Variants in ZNF57 observed in about 807,000 individuals in gnomAD.
ZNF57 encodes zinc finger protein 424.
In ZNF57, 11 loss-of-function variants were observed where a neutral mutation model predicts 13.4. The ratio of observed to expected loss-of-function variants is 0.82; its 90% CI spans 0.52 to 1.36. The LOEUF (loss-of-function observed/expected upper bound fraction) is 1.36, where lower values mean the gene tolerates loss of function less well. Ranked by LOEUF, ZNF57 falls within the 40% of genes most tolerant of loss-of-function variation. The pLI, the probability that ZNF57 is intolerant of heterozygous loss-of-function variation, is 0.00. For missense variants in ZNF57, 696 were observed against 667.5 expected (o/e 1.04, Z -0.47); for synonymous variants, 224 against 238.5 (o/e 0.94, Z 0.56).
At chr19:2,901,775 C>T (rs2088032373) in intron 1 of ZNF57, among the ~76,000 whole-genome samples, 1 of 152,158 alleles carries the variant, frequency 6.6e-6, no homozygotes. Flanking sequence ...CCTCGGCCTC[C>T]CAAAGTGCTG....
chr19:2,915,253 T>C (rs1255892932), intron 1 of ZNF57: 4 of 306,916 alleles, frequency 1.3e-5, no homozygotes, highest in Non-Finnish European at 2.4e-5. Context: ...AATGGAAAAG[T>C]TACTTCATTT....
intron 1 of ZNF57, 103 bp downstream of exon 1, chr19:2,901,151 C>T: frequency 7.2e-7 from 1 of 1,379,910 alleles, no homozygotes; most frequent in Middle Eastern, 2.1e-4. Context: ...CTGAGGGACG[C>T]GCGGGGCGGC....
intron 1 of ZNF57, chr19:2,912,022 A>T (rs1477277355): frequency 1.3e-5 from 2 of 152,230 alleles, no homozygotes; most frequent in African/African-American, 4.8e-5. Context: ...TCTTTCTGGA[A>T]AGCCAGACGC....
chr19:2,913,351 T>G (rs1020140157), intron 1 of ZNF57, among the ~76,000 whole-genome samples: 1 of 152,230 alleles, frequency 6.6e-6, no homozygotes, highest in Non-Finnish European at 1.5e-5. Context: ...GTAATATTTA[T>G]TATTTCCTTA....
chr19:2,906,000 A>C (rs2088072212), intron 1 of ZNF57, among the ~76,000 whole-genome samples: 1 of 152,088 alleles, frequency 6.6e-6, no homozygotes, highest in African/African-American at 2.4e-5. Context: ...GCCATCTCTC[A>C]TTTCTCTCTC....
Position 2,909,901 on chromosome 19 carries a change from A to T in ZNF57, c.4-5621A>T, listed in dbSNP as rs1260028074. 1.5e-4 allele frequency among the ~76,000 whole-genome samples: 7 copies of T among 48,022 alleles called. 3 individuals carry two copies. The highest frequency in any genetic ancestry group is 3.3e-4 in the African/African-American group (7 of 21,120). The allele number at this position is 48,022 out of a possible 152,430, so 31.5% of individuals were successfully genotyped here. A position where few individuals can be genotyped will look rare whatever the true frequency, so the allele number is the denominator to read the frequency against. On this transcript the variant is annotated intron_variant, in intron 1 of 3. Transcript: ENST00000306908. ...TCTCCAGAAAGCCTGGAAAATGCAT[A>T]GTGTCAGTCTTCCAACTTGAACCTT...
intron 1 of ZNF57, among the ~76,000 whole-genome samples, chr19:2,909,573 G>T (rs2088116852): frequency 5.1e-4 from 24 of 47,292 alleles, no homozygotes; most frequent in Non-Finnish European, 7.6e-4. Flanking sequence ...TGCCTGGCCG[G>T]TATCTTGTTT....
At chr19:2,916,717 A>G (rs2088202159) in intron 3 of ZNF57, 2 of 410,210 alleles carry the variant, frequency 4.9e-6, no homozygotes, top group Admixed American at 8.4e-5. Flanking sequence ...CTCCATCTCA[A>G]AAAATAAATA....
chr19:2,912,462 G>A (rs146232165), intron 1 of ZNF57, among the ~76,000 whole-genome samples: 1 of 152,168 alleles, frequency 6.6e-6, no homozygotes, highest in Non-Finnish European at 1.5e-5. Context: ...TACAGCTCAG[G>A]GTTTCCCATC....
intron 1 of ZNF57, 110 bp downstream of exon 1, chr19:2,901,158 C>A (rs2088025982): frequency 7.3e-7 from 1 of 1,362,704 alleles, no homozygotes; most frequent in South Asian, 1.5e-5. Flanking sequence ...ACGCGCGGGG[C>A]GGCGCAGGAC....
chr19:2,910,989 G>C (rs1297424251), intron 1 of ZNF57, among the ~76,000 whole-genome samples: 1 of 151,790 alleles, frequency 6.6e-6, no homozygotes, highest in Admixed American at 6.6e-5. Context: ...TGCATGTTTT[G>C]TGTGATTCCA....
At chr19:2,901,786 G>A (rs2088032502) in intron 1 of ZNF57, among the ~76,000 whole-genome samples, 1 of 152,156 alleles carries the variant, frequency 6.6e-6, no homozygotes, top group African/African-American at 2.4e-5. Flanking sequence ...CAAAGTGCTG[G>A]GATTACAGGC....
chr19:2,915,436 T>C lies in ZNF57; in HGVS notation c.4-86T>C, dbSNP rs1288194899. ...GAGGAGGTGTTGGGACACCACAGAA[T>C]CTTGTTTGAATTTATGAATTGAGTC... is the stretch of plus-strand genomic sequence containing the variant. On this transcript the variant is annotated intron_variant, in intron 1 of 3. Transcript: ENST00000306908. 6 of 1,543,242 alleles carry C rather than the reference T, an allele frequency of 3.9e-6. No individual in the cohort carries two copies. In the Admixed American group the frequency reaches 1.2e-4, roughly 30 times the overall value.
chr19:2,915,760 C>T (rs1272798144), intron 2 of ZNF57, 112 bp downstream of exon 2: 1 of 1,462,818 alleles, frequency 6.8e-7, no homozygotes, highest in African/African-American at 1.4e-5. Flanking sequence ...ATGTTCACAG[C>T]CACCATGGAC....
intron 1 of ZNF57, among the ~76,000 whole-genome samples, chr19:2,909,030 G>C (rs2088105167): frequency 1.3e-5 from 2 of 152,034 alleles, no homozygotes; most frequent in Non-Finnish European, 1.5e-5. Flanking sequence ...TAGCCTGTTA[G>C]AGCTCCATTC....
In ZNF57 at chr19:2,915,437, CTT is replaced by C. The variant is rs934117342; in HGVS notation, c.4-84_4-83del. The C allele has an allele frequency of 1.9e-6, 3 of 1,544,520 alleles. No individual in the cohort carries two copies. The African/African-American group carries it at 4.1e-5, about 21-fold the overall frequency. On this transcript the variant is annotated intron_variant, in intron 1 of 3. Coordinates refer to ENST00000306908, the MANE Select transcript of ZNF57 (RefSeq NM_173480.3). ...AGGAGGTGTTGGGACACCACAGAAT[CTT>C]GTTTGAATTTATGAATTGAGTCCAG...
rs757973040 is a variant in ZNF57 at position 2,917,468 on chromosome 19, C to G, written c.847C>G (p.Gln283Glu). 13 of 1,612,336 alleles carry G rather than the reference C, an allele frequency of 8.1e-6. 1 individual carries two copies. The South Asian group carries it at 8.8e-5, about 11-fold the overall frequency. Residue 283 changes from glutamine (Q) to glutamate (E), a missense_variant, in exon 4 of 4, where the codon CAG (glutamine) becomes GAG (glutamate). By Grantham distance (29) the Gln-to-Glu change is conservative. Around this residue, in one of 3 missense-constraint regions of ZNF57, gnomAD observed 645 missense variants for 591.5 expected, o/e 1.09. Coordinates refer to ENST00000306908, the MANE Select transcript of ZNF57 (RefSeq NM_173480.3). ...THTGEKPYKCQHCGKAFTYPQ... is the reference protein window; with the variant it reads ...THTGEKPYKCEHCGKAFTYPQ... Reference sequence around the variant, plus strand: ...CACTGGAGAGAAGCCCTATAAATGTCAGCACTGTGGGAAAGCCTTCACTTA... The same window carrying G: ...CACTGGAGAGAAGCCCTATAAATGTGAGCACTGTGGGAAAGCCTTCACTTA...
chr19:2,911,586 A>ACACC (rs1568181629), intron 1 of ZNF57, among the ~76,000 whole-genome samples: 1 of 151,502 alleles, frequency 6.6e-6, no homozygotes. Flanking sequence ...GGGTGTCACT[A>ACACC]TGTTGCCCAG....
chr19:2,908,407 A>G (rs1247405504), intron 1 of ZNF57, among the ~76,000 whole-genome samples: 1 of 147,810 alleles, frequency 6.8e-6, no homozygotes, highest in African/African-American at 2.5e-5. Context: ...TTACTGACAT[A>G]TAGAACGTAC....
Sources: allele counts gnomAD v4.1 joint callset (sites outside exome capture counted in the v4.1 genomes callset), GRCh38; gene constraint gnomAD v4.1.1; regional missense constraint gnomAD v4.1.1; transcripts MANE v1.5; gene names NCBI Gene and HGNC (gene_info 2026-07-23, HGNC 2026-07-21).